SLMAP: variants seen among roughly 807,000 people sequenced by gnomAD.
SLMAP encodes sarcolemmal membrane-associated protein.
Under a neutral mutation model 128.8 loss-of-function variants are expected in SLMAP, and 44 were observed. The ratio of observed to expected loss-of-function variants is 0.34; its 90% CI spans 0.27 to 0.44. SLMAP has a LOEUF of 0.44. SLMAP is among the 20% of genes least tolerant of loss of function. The probability of loss-of-function intolerance (pLI) is 1.00; values close to 1 mark genes in which losing one functional copy is unlikely to be tolerated. For synonymous variants in SLMAP, 327 were observed against 348.8 expected (o/e 0.94, Z 0.70); for missense variants, 787 against 985.3 (o/e 0.80, Z 2.69).
intron 2 of SLMAP, among the ~76,000 whole-genome samples, chr3:57,808,057 AGAGTT>A (rs1360969361): frequency 6.6e-6 from 1 of 152,038 alleles, no homozygotes; most frequent in Non-Finnish European, 1.5e-5. Flanking sequence ...ATATTTGTAT[AGAGTT>A]GTTTATTTTC....
At chr3:57,900,413 A>G (rs2096350260) in intron 17 of SLMAP, 1 of 152,210 alleles carries the variant, frequency 6.6e-6, no homozygotes, top group Non-Finnish European at 1.5e-5. Flanking sequence ...GCTTGAAACC[A>G]TCTCCCATAA....
intron 21 of SLMAP, 115 bp downstream of exon 21, chr3:57,913,390 ATC>A: frequency 1.8e-6 from 1 of 550,384 alleles, no homozygotes. Context: ...TGTTCAGCCC[ATC>A]TCTGTTTGGC....
chr3:57,769,970 G>T (rs763620715), intron 2 of SLMAP, among the ~76,000 whole-genome samples: 1 of 152,180 alleles, frequency 6.6e-6, no homozygotes, highest in Non-Finnish European at 1.5e-5. Context: ...ACCTCAATCA[G>T]TTCAGCATAA....
intron 17 of SLMAP, chr3:57,899,039 G>A (rs1044562847): frequency 1.3e-4 from 20 of 152,206 alleles, no homozygotes; most frequent in African/African-American, 4.6e-4. Context: ...AGGCCTATCT[G>A]TTGAAGGACT....
intron 12 of SLMAP, 65 bp from the exon 13 acceptor site, chr3:57,865,177 C>A: frequency 1.2e-6 from 1 of 850,658 alleles, no homozygotes; most frequent in South Asian, 1.8e-5. Flanking sequence ...GCCATGGTTA[C>A]ACTTGAGACC....
At chr3:57,867,280 C>T (rs1283735547) in intron 13 of SLMAP, among the ~76,000 whole-genome samples, 1 of 152,130 alleles carries the variant, frequency 6.6e-6, no homozygotes, top group African/African-American at 2.4e-5. Flanking sequence ...CTATTCATTC[C>T]TTCAGTTAAG....
chr3:57,881,816 T>C (rs2095751910), intron 14 of SLMAP, among the ~76,000 whole-genome samples: 1 of 152,162 alleles, frequency 6.6e-6, no homozygotes. Context: ...AATATAACTT[T>C]AAATAATTTC....
At chr3:57,892,186 G>A (rs777505716) in intron 15 of SLMAP, among the ~76,000 whole-genome samples, 29 of 152,036 alleles carry the variant, frequency 1.9e-4, no homozygotes, top group Non-Finnish European at 3.7e-4. Flanking sequence ...ATTTTAAATC[G>A]AGCTATAAAG....
chr3:57,873,621 G>C (rs546538267), intron 14 of SLMAP, among the ~76,000 whole-genome samples: 25 of 152,224 alleles, frequency 1.6e-4, no homozygotes, highest in Admixed American at 1.3e-3. Context: ...ATTGGCACAG[G>C]GTCCTGGGGC....
intron 24 of SLMAP, among the ~76,000 whole-genome samples, chr3:57,926,829 A>G (rs1230067822): frequency 1.3e-5 from 2 of 152,220 alleles, no homozygotes; most frequent in Non-Finnish European, 2.9e-5. Context: ...TTGGACGACC[A>G]AAGCCTAGAC....
At chr3:57,842,769 ATATTAG>A (rs1280316772) in intron 4 of SLMAP, among the ~76,000 whole-genome samples, 1 of 152,160 alleles carries the variant, frequency 6.6e-6, no homozygotes, top group Non-Finnish European at 1.5e-5. Flanking sequence ...ATATGGTTAA[ATATTAG>A]TATCACTTAA....
intron 3 of SLMAP, among the ~76,000 whole-genome samples, chr3:57,839,533 C>T (rs755672032): frequency 1.4e-4 from 21 of 151,044 alleles, no homozygotes; most frequent in Non-Finnish European, 2.4e-4. Context: ...TTTCGCCTCC[C>T]AGGTTCAAGC....
chr3:57,870,706 A>G (rs531960138), intron 13 of SLMAP, among the ~76,000 whole-genome samples: 4 of 152,216 alleles, frequency 2.6e-5, no homozygotes, highest in South Asian at 2.1e-4. Context: ...ACGAGAGGGG[A>G]AGGAGGTTTT....
Position 57,847,229 on chromosome 3 carries a change from A to G in SLMAP, c.452A>G (p.Asp151Gly). The G allele has an allele frequency of 6.2e-7, 1 of 1,609,690 alleles. No homozygotes were observed. The highest frequency in any genetic ancestry group is 8.5e-7 in the Non-Finnish European group (1 of 1,177,240). The stretch of plus-strand genomic sequence containing the variant: ...CATGCACCATTACCAAGTCCTGTTG[A>G]CAAAGTAAGTTGCTAATGATTATTT... ...VIHAPLPSPVDKVAANTPSMY... is the reference protein window; with the variant it reads ...VIHAPLPSPVGKVAANTPSMY... Residue 151 changes from aspartate (D) to glycine (G), a missense_variant, in exon 5 of 25, where the codon GAC becomes GGC. Around this residue, in one of 2 missense-constraint regions of SLMAP, gnomAD observed 715 missense variants for 843.6 expected, o/e 0.85. Transcript: ENST00000671191.
chr3:57,835,496 A>G (rs1428526054), intron 3 of SLMAP, among the ~76,000 whole-genome samples: 1 of 152,140 alleles, frequency 6.6e-6, no homozygotes, highest in Non-Finnish European at 1.5e-5. Context: ...ATAAACAACA[A>G]AGTAGGATTT....
intron 2 of SLMAP, among the ~76,000 whole-genome samples, chr3:57,771,303 G>A (rs906478649): frequency 6.6e-6 from 1 of 151,844 alleles, no homozygotes; most frequent in African/African-American, 2.4e-5. Context: ...AGCTCACTAC[G>A]GCCTCAACCC....
intron 13 of SLMAP, among the ~76,000 whole-genome samples, chr3:57,868,161 T>C (rs532393520): frequency 5.5e-4 from 84 of 152,206 alleles, no homozygotes; most frequent in Non-Finnish European, 9.7e-4. Context: ...CTCAGGAGGC[T>C]AGATGGGAGA....
Position 57,864,837 on chromosome 3 carries a change from T to C in SLMAP, c.1166T>C (p.Leu389Pro), listed in dbSNP as rs1346599507. ...TTAGAACATCTTCAGGAGAAAACTCTTAAAGAATGCAGCAGCTTGGGTAGG... is the reference window on the plus strand; with the variant it reads ...TTAGAACATCTTCAGGAGAAAACTCCTAAAGAATGCAGCAGCTTGGGTAGG... ...VRLEHLQEKT[L>P]KECSSLGIQV... The change falls in exon 12 of 25, where the codon CTT becomes CCT. Residue 389 changes from leucine to proline, a missense_variant. By Grantham distance (98) the Leu-to-Pro change is moderately conservative. Transcript: ENST00000671191. 6.3e-7 allele frequency: 1 copy of C among 1,588,076 alleles called. No homozygotes were observed. The highest frequency in any genetic ancestry group is 2.3e-5 in the East Asian group (1 of 43,108).
intron 17 of SLMAP, chr3:57,899,955 A>G (rs1349676483): frequency 6.6e-6 from 1 of 151,082 alleles, no homozygotes; most frequent in African/African-American, 2.4e-5. Flanking sequence ...AAAGTGATGT[A>G]TTACTGGTAC....
Sources: allele counts gnomAD v4.1 joint callset (sites outside exome capture counted in the v4.1 genomes callset), GRCh38; gene constraint gnomAD v4.1.1; regional missense constraint gnomAD v4.1.1; transcripts MANE v1.5; gene names NCBI Gene and HGNC (gene_info 2026-07-23, HGNC 2026-07-21).